The following AGBL4 variants were observed in gnomAD, a reference collection of about 807,000 sequenced individuals.
AGBL4 encodes cytosolic carboxypeptidase 6.
AGBL4 carries 58 observed loss-of-function variants against 66.4 expected under a neutral mutation model. That is an observed-to-expected ratio of 0.87 (90% confidence interval 0.71 to 1.09). AGBL4 has a LOEUF of 1.09. Among genes scored for constraint, AGBL4 ranks in the 50% least tolerant of loss-of-function variants. The pLI, the probability that AGBL4 is intolerant of heterozygous loss-of-function variation, is 0.00. For missense variants in AGBL4, 579 were observed against 631.0 expected, an observed-to-expected ratio of 0.92 and a Z score of 0.88; for synonymous variants, 234 against 222.9, an observed-to-expected ratio of 1.05 and a Z score of -0.44.
chr1:49,383,755 A>G (rs1218585070), intron 3 of AGBL4, among the ~76,000 whole-genome samples: 1 of 152,004 alleles, frequency 6.6e-6, no homozygotes, highest in African/African-American at 2.4e-5. Flanking sequence ...GGCACAGATA[A>G]CAAAAGCAAA....
chr1:49,106,757 A>G (rs1000642422), intron 4 of AGBL4, among the ~76,000 whole-genome samples: 2 of 152,172 alleles, frequency 1.3e-5, no homozygotes, highest in African/African-American at 4.8e-5. Flanking sequence ...GATTTACCCA[A>G]GGCTTTGTTC....
chr1:49,996,994 T>G (rs934202008), intron 1 of AGBL4, among the ~76,000 whole-genome samples: 7 of 152,106 alleles, frequency 4.6e-5, no homozygotes, highest in African/African-American at 1.7e-4. Flanking sequence ...AGTCTTTTTA[T>G]AATAAATGCT....
intron 6 of AGBL4, among the ~76,000 whole-genome samples, chr1:48,714,910 C>T (rs1647025314): frequency 6.6e-6 from 1 of 152,212 alleles, no homozygotes; most frequent in African/African-American, 2.4e-5. Flanking sequence ...CTATGATATG[C>T]TAGACAATTT....
At chr1:49,882,938 A>G (rs1192087515) in intron 1 of AGBL4, among the ~76,000 whole-genome samples, 1 of 152,182 alleles carries the variant, frequency 6.6e-6, no homozygotes, top group Non-Finnish European at 1.5e-5. Context: ...CCCACCAGAC[A>G]TTCAGGTATG....
chr1:49,679,272 T>C (rs1195815867), intron 3 of AGBL4, among the ~76,000 whole-genome samples: 1 of 152,190 alleles, frequency 6.6e-6, no homozygotes, highest in African/African-American at 2.4e-5. Flanking sequence ...ATTGACATTT[T>C]TGTCATTACA....
chr1:49,892,268 T>C (rs1308208691), intron 1 of AGBL4, among the ~76,000 whole-genome samples: 1 of 152,210 alleles, frequency 6.6e-6, no homozygotes, highest in Non-Finnish European at 1.5e-5. Context: ...ATGTATTCTC[T>C]ATCAAATCTA....
rs186446682 is a variant in AGBL4, at chr1:48,732,916, G to A, written c.635-69675C>T. Among the ~76,000 whole-genome samples, 290 of 152,302 alleles carry A rather than the reference G, an allele frequency of 1.9e-3. 2 individuals are homozygous for A. Among genetic ancestry groups the A allele is most frequent in the Non-Finnish European group, 2.4e-3 (166 of 68,024 alleles). On this transcript the variant is annotated intron_variant, in intron 6 of 13. Transcript: ENST00000371839. ...AGAGAGATGGGAAGAAATCCCCAGCGTGCAGAACAGGTTTCTCAGTGAAGG... is the reference window on the plus strand; with the variant it reads ...AGAGAGATGGGAAGAAATCCCCAGCATGCAGAACAGGTTTCTCAGTGAAGG...
At chr1:49,147,094 C>T (rs1416720558) in intron 4 of AGBL4, among the ~76,000 whole-genome samples, 4 of 152,218 alleles carry the variant, frequency 2.6e-5, no homozygotes, top group South Asian at 4.2e-4. Context: ...GTTTTTCTGT[C>T]CACAGATGTC....
At chr1:49,368,882 C>T (rs1644289100) in intron 3 of AGBL4, among the ~76,000 whole-genome samples, 1 of 151,990 alleles carries the variant, frequency 6.6e-6, no homozygotes, top group Non-Finnish European at 1.5e-5. Flanking sequence ...TGAGACCAGC[C>T]TGGGCAACAT....
intron 6 of AGBL4, among the ~76,000 whole-genome samples, chr1:48,799,941 A>T (rs116322583): frequency 0.026 from 3,916 of 152,132 alleles, 144 homozygotes; most frequent in African/African-American, 0.088. Context: ...TTCATCAGAG[A>T]TATTGGTCTA....
intron 8 of AGBL4, among the ~76,000 whole-genome samples, chr1:48,645,723 A>C (rs1442534265): frequency 6.6e-6 from 1 of 152,176 alleles, no homozygotes; most frequent in African/African-American, 2.4e-5. Context: ...AAATGCCTAA[A>C]ATAGTGCCAG....
At chr1:49,793,449 A>G (rs1403226112) in intron 2 of AGBL4, among the ~76,000 whole-genome samples, 2 of 151,990 alleles carry the variant, frequency 1.3e-5, no homozygotes, top group Non-Finnish European at 2.9e-5. Flanking sequence ...TTGGAGTAGA[A>G]TAATAATAAT....
Position 48,736,099 on chromosome 1 carries a change from C to T in AGBL4, c.635-72858G>A, listed in dbSNP as rs557754986. ...GCTCTTCTGGGGCATTTGGGTTATC[C>T]GCTTGGTGTCCCCGGGCTCAGCCCA... is the stretch of plus-strand genomic sequence containing the variant. On this transcript the variant is annotated intron_variant, in intron 6 of 13. Coordinates refer to ENST00000371839, the MANE Select transcript of AGBL4 (RefSeq NM_032785.4). The surrounding 1 kb of genome is among the most constrained non-coding windows in gnomAD (Gnocchi z 4.0). 52 of 898,196 alleles carry T rather than the reference C, an allele frequency of 5.8e-5. No homozygotes were observed. In the East Asian group the frequency reaches 7.2e-4, roughly 12 times the overall value. 55.6% of individuals were successfully genotyped at this position (898,196 alleles called of 1,614,324 possible). A position where few individuals can be genotyped will look rare whatever the true frequency, so the allele number is the denominator to read the frequency against.
chr1:49,498,918 A>C (rs932373116), intron 3 of AGBL4, among the ~76,000 whole-genome samples: 5 of 152,062 alleles, frequency 3.3e-5, no homozygotes, highest in Non-Finnish European at 5.9e-5. Context: ...CTACTTGATC[A>C]TGGGTAATGA....
chr1:49,893,086 G>A (rs747185900), intron 1 of AGBL4, among the ~76,000 whole-genome samples: 4 of 152,258 alleles, frequency 2.6e-5, no homozygotes, highest in Non-Finnish European at 5.9e-5. Context: ...GTCCACCAAA[G>A]TGAAAGAAAT....
chr1:49,117,659 C>T (rs1173997461), intron 4 of AGBL4, among the ~76,000 whole-genome samples: 7 of 152,140 alleles, frequency 4.6e-5, no homozygotes, highest in Non-Finnish European at 2.9e-5. Flanking sequence ...AGCGTGATGC[C>T]TCCAGCTTTG....
chr1:49,983,355 A>T (rs1171941317), intron 1 of AGBL4, among the ~76,000 whole-genome samples: 2 of 152,232 alleles, frequency 1.3e-5, no homozygotes, highest in Non-Finnish European at 2.9e-5. Flanking sequence ...CACCTAATCC[A>T]GCTACAGCCT....
chr1:49,958,140 A>C (rs933239005), intron 1 of AGBL4, among the ~76,000 whole-genome samples: 4 of 152,050 alleles, frequency 2.6e-5, no homozygotes, highest in African/African-American at 7.2e-5. Flanking sequence ...GCTGGATATG[A>C]AATTCTGGAT....
At chr1:49,823,523 A>G (rs1206778532) in intron 2 of AGBL4, among the ~76,000 whole-genome samples, 1 of 152,204 alleles carries the variant, frequency 6.6e-6, no homozygotes, top group East Asian at 1.9e-4. Context: ...AGCAAATGCA[A>G]GAAATTGAGG....
Sources: gnomAD v4.1 joint callset for allele counts (sites outside exome capture counted in the v4.1 genomes callset) on GRCh38, gnomAD v4.1.1 for gene constraint, Gnocchi (gnomAD v3.1) non-coding constraint, MANE v1.5 for transcripts, NCBI Gene and HGNC (gene_info 2026-07-23, HGNC 2026-07-21) for gene names.